DHX8: variants seen among roughly 807,000 people sequenced by gnomAD.
DHX8 encodes the protein ATP-dependent RNA helicase DHX8.
In DHX8, 67 loss-of-function variants were observed where a neutral mutation model predicts 140.7. That is an observed-to-expected ratio of 0.48 (90% CI 0.39 to 0.58). The LOEUF (loss-of-function observed/expected upper bound fraction) is 0.58, where lower values mean the gene tolerates loss of function less well. Ranked by LOEUF, DHX8 falls within the 20% of genes least tolerant of loss-of-function variation. The pLI, the probability that DHX8 is intolerant of heterozygous loss-of-function variation, is 0.00. For missense variants in DHX8, 887 were observed against 1,550.7 expected, an observed-to-expected ratio of 0.57 and a Z score of 7.19; for synonymous variants, 533 against 553.2, an observed-to-expected ratio of 0.96 and a Z score of 0.51.
At chr17:43,501,722 T>C (rs1358519914) in intron 11 of DHX8, among the ~76,000 whole-genome samples, 1 of 139,292 alleles carries the variant, frequency 7.2e-6, no homozygotes, top group Non-Finnish European at 1.6e-5. Flanking sequence ...CGACCTCAGG[T>C]GATCCCCCCC....
chr17:43,489,494 C>T lies in DHX8; in HGVS notation c.194C>T (p.Thr65Ile). The change falls in exon 2 of 23, where the codon ACT becomes ATT. Residue 65 changes from threonine to isoleucine, a missense_variant. Thr to Ile is a moderately conservative substitution (Grantham distance 89). Coordinates refer to ENST00000262415, the MANE Select transcript of DHX8 (RefSeq NM_004941.3). ...SLAEKNTTFD[T>I]FKASLVKNGA... The stretch of plus-strand genomic sequence containing the variant: ...GCTGAGAAAAATACCACCTTTGATA[C>T]TTTTAAGGCTTCTCTCGTCAAAAAT... 2 of 1,610,342 alleles carry T rather than the reference C, an allele frequency of 1.2e-6. No homozygotes were observed. Among genetic ancestry groups the T allele is most frequent in the East Asian group, 2.2e-5 (1 of 44,854 alleles).
At chr17:43,496,795 A>G (rs985083061) in intron 9 of DHX8, among the ~76,000 whole-genome samples, 9 of 151,912 alleles carry the variant, frequency 5.9e-5, no homozygotes, top group South Asian at 2.1e-4. Context: ...AAAAGCTTTC[A>G]GGATATAAAA....
At chr17:43,498,145 T>G (rs545124702) in intron 9 of DHX8, among the ~76,000 whole-genome samples, 13 of 151,998 alleles carry the variant, frequency 8.6e-5, no homozygotes, top group African/African-American at 1.9e-4. Context: ...AAGGTGTTTT[T>G]TTTTTTTTTT....
At chr17:43,540,431 C>T (rs775180640) in intron 3 of DHX8, among the ~76,000 whole-genome samples, 1 of 152,152 alleles carries the variant, frequency 6.6e-6, no homozygotes, top group Non-Finnish European at 1.5e-5. Context: ...CCAGCCTGGG[C>T]AACAGAGTGA....
intron 3 of DHX8, among the ~76,000 whole-genome samples, chr17:43,537,615 G>C (rs921869547): frequency 1.3e-5 from 2 of 151,886 alleles, no homozygotes; most frequent in Non-Finnish European, 2.9e-5. Flanking sequence ...AGAATTGCTT[G>C]AACCCAGGAG....
At position 43,535,575 on chromosome 17, in the gene DHX8, C is replaced by T. The variant is rs547302242; in HGVS notation, c.351-837C>T. Among the ~76,000 whole-genome samples the T allele has an allele frequency of 2.4e-3, 367 of 152,286 alleles. 2 individuals carry two copies. Among genetic ancestry groups the T allele is most frequent in the African/African-American group, 8.5e-3 (354 of 41,556 alleles). ...TACAGGCGTGAGCCACCACACCCAG[C>T]CTAAAGCAGGGTTTCTCAACAGTGG... On this transcript the variant is annotated intron_variant, in intron 2 of 3. Transcript: ENST00000589898.
intron 1 of DHX8, among the ~76,000 whole-genome samples, chr17:43,485,695 C>T (rs1406630362): frequency 6.6e-6 from 1 of 151,922 alleles, no homozygotes; most frequent in African/African-American, 2.4e-5. Flanking sequence ...ATACCTTGGC[C>T]TTTTAGAAGA....
At chr17:43,540,795 A>G (rs529013989) in intron 3 of DHX8, among the ~76,000 whole-genome samples, 1 of 152,282 alleles carries the variant, frequency 6.6e-6, no homozygotes, top group African/African-American at 2.4e-5. Context: ...CCAAGGTGGC[A>G]GGAAGCTGGG....
downstream of DHX8, chr17:43,528,065 GAC>G: frequency 4.3e-6 from 1 of 235,194 alleles, no homozygotes; most frequent in Non-Finnish European, 8.4e-6. Context: ...GACAAACCGG[GAC>G]CCTCCAGGGC....
At chr17:43,512,426 A>G (rs1969894955) in intron 16 of DHX8, among the ~76,000 whole-genome samples, 1 of 150,998 alleles carries the variant, frequency 6.6e-6, no homozygotes, top group Non-Finnish European at 1.5e-5. Context: ...GAGTAATGTT[A>G]AAGAGTTAAA....
intron 2 of DHX8, among the ~76,000 whole-genome samples, 167 bp from the exon 3 acceptor site, chr17:43,490,224 A>G (rs1334207966): frequency 1.3e-5 from 2 of 152,228 alleles, no homozygotes; most frequent in Non-Finnish European, 2.9e-5. Context: ...TGAAGCTATT[A>G]TACTAGGTTC....
At chr17:43,516,536 C>T (rs1168823367) in intron 17 of DHX8, among the ~76,000 whole-genome samples, 1 of 152,106 alleles carries the variant, frequency 6.6e-6, no homozygotes, top group East Asian at 1.9e-4. Flanking sequence ...CCAGCCTCGA[C>T]CTCCCCAGGC....
chr17:43,500,042 A>G lies in DHX8; in HGVS notation c.1485A>G (p.Glu495=). The change falls in exon 11 of 23, where the codon GAA becomes GAG. Residue 495 remains glutamate, a synonymous_variant. Coordinates refer to ENST00000262415, the MANE Select transcript of DHX8 (RefSeq NM_004941.3). ...ERRELKQAQR[E]AEMDSIPMGL... ...GGGAACTCAAACAGGCCCAGCGGGA[A>G]GCTGAGATGGATTCTATTCCCATGG... 1 of 1,614,216 alleles carries G rather than the reference A, an allele frequency of 6.2e-7. No individual in the cohort carries two copies. The highest frequency in any genetic ancestry group is 1.1e-5 in the South Asian group (1 of 91,092).
chr17:43,484,229 G>A (rs769851627), intron 1 of DHX8, 44 bp downstream of exon 1: 4 of 1,497,104 alleles, frequency 2.7e-6, no homozygotes, highest in Non-Finnish European at 3.6e-6. Context: ...GGGATTGAGG[G>A]AAGCGGAAGG....
Position 43,524,312 on chromosome 17 carries a change from G to A in DHX8, c.*465G>A, listed in dbSNP as rs574488158. ...TCGTGGAAATATTTATTTTCTTAAG[G>A]AAACAAAAATGGTTTTCTGTGACTG... On this transcript the variant is annotated 3_prime_UTR_variant, in exon 23 of 23. Transcript: ENST00000262415. The A allele has an allele frequency of 1.8e-4, 182 of 1,004,478 alleles. No individual in the cohort carries two copies. In the African/African-American group the frequency reaches 3.0e-3, roughly 17 times the overall value. 62.2% of individuals were successfully genotyped at this position (1,004,478 alleles called of 1,614,324 possible).
chr17:43,489,105 A>G (rs897868089), intron 1 of DHX8, among the ~76,000 whole-genome samples: 2 of 151,716 alleles, frequency 1.3e-5, no homozygotes, highest in Non-Finnish European at 2.9e-5. Context: ...CCCGGGTTCA[A>G]GTGATTCTCC....
downstream of DHX8, chr17:43,530,283 C>A: frequency 6.6e-7 from 1 of 1,522,198 alleles, no homozygotes; most frequent in Admixed American, 2.0e-5. Flanking sequence ...TTCCTTCCAG[C>A]CTGCTTCCTG....
intron 11 of DHX8, 97 bp from the exon 12 acceptor site, chr17:43,504,547 T>C: frequency 8.3e-7 from 1 of 1,201,922 alleles, no homozygotes; most frequent in South Asian, 1.5e-5. Flanking sequence ...TGAATTGAGA[T>C]GCTGCATGTG....
chr17:43,511,456 A>ATTTTGTTTTTTTTTTTTTT, intron 16 of DHX8, among the ~76,000 whole-genome samples: 1 of 56,790 alleles, frequency 1.8e-5, no homozygotes, highest in Non-Finnish European at 2.9e-5. Context: ...TGATCCCAGC[A>ATTTTGTTTTTTTTTTTTTT]TTTTTTTTTT....
Sources: allele counts gnomAD v4.1 joint callset (sites outside exome capture counted in the v4.1 genomes callset), GRCh38; gene constraint gnomAD v4.1.1; transcripts MANE v1.5; gene names NCBI Gene and HGNC (gene_info 2026-07-23, HGNC 2026-07-21).